DPP10: variants seen among roughly 807,000 people sequenced by gnomAD.
DPP10 encodes dipeptidyl peptidase like 10.
Under a neutral mutation model 120.9 loss-of-function variants are expected in DPP10, and 33 were observed. That is an observed-to-expected ratio of 0.27 (90% confidence interval 0.21 to 0.37). The LOEUF (loss-of-function observed/expected upper bound fraction) is 0.37. Ranked by LOEUF, DPP10 falls within the 10% of genes least tolerant of loss-of-function variation. DPP10 has a pLI of 1.00. For missense variants in DPP10, 816 were observed against 942.8 expected, an observed-to-expected ratio of 0.87 and a Z score of 1.76; for synonymous variants, 337 against 326.1, an observed-to-expected ratio of 1.03 and a Z score of -0.36.
At chr2:115,560,445 T>TATATAC (rs1359773531) in intron 5 of DPP10, among the ~76,000 whole-genome samples, 4 of 86,252 alleles carry the variant, frequency 4.6e-5, no homozygotes, top group South Asian at 8.7e-4. Context: ...TATATATATA[T>TATATAC]ACGACAAGCT....
Position 115,154,928 on chromosome 2 carries a change from G to C in DPP10, c.61-154311G>C, listed in dbSNP as rs529004576. Reference sequence around the variant, plus strand: ...TTTTTTTGAGACAGAATCTCACTCTGTCACCCAGGCTGGAGTGCAGTGGCG... The same window carrying C: ...TTTTTTTGAGACAGAATCTCACTCTCTCACCCAGGCTGGAGTGCAGTGGCG... On this transcript the variant is annotated intron_variant, in intron 1 of 25. Coordinates refer to ENST00000410059, the MANE Select transcript of DPP10 (RefSeq NM_020868.6). Among the ~76,000 whole-genome samples the C allele has an allele frequency of 3.4e-5, 5 of 146,536 alleles. No homozygotes were observed. The South Asian group carries it at 1.1e-3, about 32-fold the overall frequency.
At chr2:115,169,722 G>C (rs1334018165) in intron 1 of DPP10, among the ~76,000 whole-genome samples, 1 of 152,124 alleles carries the variant, frequency 6.6e-6, no homozygotes, top group African/African-American at 2.4e-5. Context: ...AGTTAGTTGA[G>C]TGCATAATCA....
At chr2:115,812,177 A>G (rs1044505120) in intron 19 of DPP10, among the ~76,000 whole-genome samples, 3 of 152,114 alleles carry the variant, frequency 2.0e-5, no homozygotes, top group Admixed American at 2.0e-4. Flanking sequence ...CAACCTTGGT[A>G]TTTTTACTCA....
At chr2:115,590,033 CCT>C (rs2082535595) in intron 5 of DPP10, among the ~76,000 whole-genome samples, 1 of 151,442 alleles carries the variant, frequency 6.6e-6, no homozygotes, top group Non-Finnish European at 1.5e-5. Context: ...TTTTTGTTTC[CCT>C]CTCATTCTGA....
intron 1 of DPP10, among the ~76,000 whole-genome samples, chr2:114,839,107 T>C (rs999880149): frequency 6.6e-6 from 1 of 152,226 alleles, no homozygotes; most frequent in Admixed American, 6.5e-5. Context: ...GATATTACTT[T>C]ATTTTGCTGC....
intron 1 of DPP10, among the ~76,000 whole-genome samples, chr2:115,066,504 T>C (rs1053498429): frequency 2.0e-5 from 3 of 152,172 alleles, no homozygotes; most frequent in Admixed American, 6.5e-5. Flanking sequence ...GATGGCACAA[T>C]TGGTTTAAAA....
At chr2:115,839,634 A>G in intron 24 of DPP10, among the ~76,000 whole-genome samples, 1 of 145,096 alleles carries the variant, frequency 6.9e-6, no homozygotes, top group South Asian at 2.2e-4. Context: ...AGATCGTACC[A>G]CTGCACTCCA....
At chr2:114,738,968 C>G (rs1677747078) in intron 1 of DPP10, among the ~76,000 whole-genome samples, 1 of 152,094 alleles carries the variant, frequency 6.6e-6, no homozygotes, top group Non-Finnish European at 1.5e-5. Context: ...TAATTCAAGA[C>G]AGGTATGGCC....
intron 1 of DPP10, among the ~76,000 whole-genome samples, chr2:115,262,994 A>C (rs1490948422): frequency 6.6e-6 from 1 of 152,194 alleles, no homozygotes; most frequent in African/African-American, 2.4e-5. Flanking sequence ...TGTGACTGGC[A>C]GCCTGCACAG....
intron 5 of DPP10, among the ~76,000 whole-genome samples, chr2:115,612,747 T>G (rs1431962766): frequency 6.6e-6 from 1 of 152,130 alleles, no homozygotes; most frequent in Non-Finnish European, 1.5e-5. Context: ...ACTGCTCTCA[T>G]AAAGCTGTAT....
At chr2:115,359,600 G>A (rs1449193301) in intron 3 of DPP10, among the ~76,000 whole-genome samples, 2 of 152,064 alleles carry the variant, frequency 1.3e-5, no homozygotes, top group Non-Finnish European at 2.9e-5. Flanking sequence ...ATGTGCCTTA[G>A]AGATGGTCTT....
intron 5 of DPP10, among the ~76,000 whole-genome samples, chr2:115,647,793 G>A (rs894273914): frequency 1.3e-5 from 2 of 152,084 alleles, no homozygotes; most frequent in African/African-American, 4.8e-5. Flanking sequence ...ACTGAGTGAA[G>A]CCCCTTTTAA....
At chr2:114,882,839 C>T (rs930928140) in intron 1 of DPP10, among the ~76,000 whole-genome samples, 4 of 151,776 alleles carry the variant, frequency 2.6e-5, no homozygotes. Flanking sequence ...AAATAAAATG[C>T]TAAGTAAAAG....
intron 1 of DPP10, among the ~76,000 whole-genome samples, chr2:115,287,981 C>T (rs1430983580): frequency 2.0e-5 from 3 of 152,166 alleles, no homozygotes; most frequent in Admixed American, 2.0e-4. Context: ...GATAAAAATA[C>T]ACGTGCAAGT....
intron 1 of DPP10, among the ~76,000 whole-genome samples, chr2:114,546,663 A>G (rs1040426382): frequency 1.3e-5 from 2 of 152,172 alleles, no homozygotes; most frequent in African/African-American, 2.4e-5. Context: ...GGCTGGTGAC[A>G]TCCGTATCTC....
intron 1 of DPP10, among the ~76,000 whole-genome samples, chr2:114,894,053 A>G (rs951018607): frequency 1.3e-5 from 2 of 152,094 alleles, no homozygotes; most frequent in Admixed American, 6.5e-5. Context: ...TATTCTACAT[A>G]TTTAACAAGT....
intron 19 of DPP10, among the ~76,000 whole-genome samples, chr2:115,808,661 C>T (rs1388106631): frequency 6.6e-6 from 1 of 152,154 alleles, no homozygotes; most frequent in Non-Finnish European, 1.5e-5. Flanking sequence ...ATTTGATCCC[C>T]ATATCACCTG....
At chr2:114,878,024 T>G (rs1403982864) in intron 1 of DPP10, among the ~76,000 whole-genome samples, 1 of 151,998 alleles carries the variant, frequency 6.6e-6, no homozygotes, top group East Asian at 1.9e-4. Context: ...TATGTCCAGA[T>G]GATAAATTAA....
chr2:114,537,940 G>A (rs1054947743), intron 1 of DPP10, among the ~76,000 whole-genome samples: 9 of 152,202 alleles, frequency 5.9e-5, no homozygotes, highest in Non-Finnish European at 7.3e-5. Flanking sequence ...GTGGTTCTGG[G>A]AATTCGCAGA....
Sources: allele counts gnomAD v4.1 joint callset (sites outside exome capture counted in the v4.1 genomes callset), GRCh38; gene constraint gnomAD v4.1.1; transcripts MANE v1.5; gene names NCBI Gene and HGNC (gene_info 2026-07-23, HGNC 2026-07-21).